Variants in SEMA3C observed in about 807,000 individuals in gnomAD.
SEMA3C encodes the protein semaphorin 3C, also known as semaphorin-3C.
In SEMA3C, 47 loss-of-function variants were observed where a neutral mutation model predicts 89.4. That is an observed-to-expected ratio of 0.53 (90% confidence interval 0.42 to 0.67). The LOEUF (loss-of-function observed/expected upper bound fraction) is 0.67, where lower values mean the gene tolerates loss of function less well. Ranked by LOEUF, SEMA3C falls within the 30% of genes least tolerant of loss-of-function variation. The pLI, the probability that SEMA3C is intolerant of heterozygous loss-of-function variation, is 0.00. For synonymous variants in SEMA3C, 310 were observed against 320.2 expected, an observed-to-expected ratio of 0.97 and a Z score of 0.34; for missense variants, 839 against 929.1, an observed-to-expected ratio of 0.90 and a Z score of 1.26.
In SEMA3C at chr7:80,846,945, C is replaced by T. The variant is rs759613105; in HGVS notation, c.104-18200G>A. 4.6e-5 allele frequency among the ~76,000 whole-genome samples: 7 copies of T among 152,158 alleles called. No homozygotes were observed. The East Asian group carries it at 5.8e-4, about 13-fold the overall frequency. ...AAGCTGAACTCTAAAGTTCTTTCCA[C>T]GGTAACACCTCCCTCCAGTACTCCT... On this transcript the variant is annotated intron_variant, in intron 2 of 17. Coordinates refer to ENST00000265361, the MANE Select transcript of SEMA3C (RefSeq NM_006379.5).
chr7:80,903,592 G>A (rs1052300384), intron 2 of SEMA3C, among the ~76,000 whole-genome samples: 8 of 152,076 alleles, frequency 5.3e-5, no homozygotes, highest in Non-Finnish European at 1.2e-4. Context: ...AACCCAGGAG[G>A]CAAAGGTTGC....
intron 2 of SEMA3C, among the ~76,000 whole-genome samples, chr7:80,895,894 C>G (rs1438307344): frequency 6.6e-6 from 1 of 152,020 alleles, no homozygotes; most frequent in African/African-American, 2.4e-5. Flanking sequence ...AAGTTTTCTT[C>G]TATAATCCTT....
At chr7:80,882,412 C>CTT (rs763742493) in intron 2 of SEMA3C, among the ~76,000 whole-genome samples, 734 of 46,620 alleles carry the variant, frequency 0.016, 96 homozygotes, top group African/African-American at 0.059. Flanking sequence ...GTAAGGGATG[C>CTT]TTTTTTTTTT....
intron 2 of SEMA3C, among the ~76,000 whole-genome samples, chr7:80,909,773 T>A (rs963200501): frequency 6.6e-6 from 1 of 152,192 alleles, no homozygotes; most frequent in Non-Finnish European, 1.5e-5. Flanking sequence ...ACAAGACTAG[T>A]ATGTTCATTA....
intron 11 of SEMA3C, 99 bp downstream of exon 11, chr7:80,797,993 G>A (rs533024930): frequency 9.0e-4 from 1,099 of 1,219,580 alleles, no homozygotes; most frequent in Non-Finnish European, 1.1e-3. Flanking sequence ...GTGAGACTCC[G>A]TCTCAAAAAA....
chr7:80,916,405 T>C (rs1159521944), intron 2 of SEMA3C, among the ~76,000 whole-genome samples: 1 of 152,118 alleles, frequency 6.6e-6, no homozygotes, highest in African/African-American at 2.4e-5. Flanking sequence ...CTCGTGCCCA[T>C]CTCCTCTGTG....
intron 2 of SEMA3C, among the ~76,000 whole-genome samples, chr7:80,894,900 C>G (rs949734148): frequency 6.6e-6 from 1 of 152,118 alleles, no homozygotes; most frequent in African/African-American, 2.4e-5. Flanking sequence ...GTTCTAGTTA[C>G]GCTGCCTAGT....
At chr7:80,789,257 TAC>T (rs1173854750) in intron 12 of SEMA3C, 47 bp downstream of exon 12, 6 of 1,449,428 alleles carry the variant, frequency 4.1e-6, no homozygotes. Context: ...CTATATTTAG[TAC>T]ATTCTTTTAC....
intron 2 of SEMA3C, among the ~76,000 whole-genome samples, chr7:80,893,573 A>G (rs1791665656): frequency 6.6e-6 from 1 of 152,116 alleles, no homozygotes; most frequent in African/African-American, 2.4e-5. Context: ...AAATTTACCA[A>G]TTACTGATGT....
At chr7:80,868,232 T>A (rs1459391551) in intron 2 of SEMA3C, among the ~76,000 whole-genome samples, 4 of 152,122 alleles carry the variant, frequency 2.6e-5, no homozygotes, top group Non-Finnish European at 5.9e-5. Flanking sequence ...CTTTCCTTCA[T>A]ATATCCTTCC....
intron 2 of SEMA3C, among the ~76,000 whole-genome samples, chr7:80,872,908 C>A (rs1583965403): frequency 7.5e-6 from 1 of 134,084 alleles, no homozygotes; most frequent in Non-Finnish European, 1.6e-5. Flanking sequence ...ACTATACATT[C>A]ATGAGAATGA....
chr7:80,770,632 C>A (rs924634810), intron 12 of SEMA3C, among the ~76,000 whole-genome samples: 6 of 152,238 alleles, frequency 3.9e-5, no homozygotes. Context: ...CCTGACACAT[C>A]TTTCGGAAAC....
intron 2 of SEMA3C, among the ~76,000 whole-genome samples, chr7:80,874,222 A>T (rs896700998): frequency 6.6e-6 from 1 of 152,122 alleles, no homozygotes; most frequent in Non-Finnish European, 1.5e-5. Flanking sequence ...TGCTCCTAAC[A>T]ACCCCAACAA....
At chr7:80,823,542 A>C (rs2115789647) in intron 4 of SEMA3C, among the ~76,000 whole-genome samples, 1 of 152,262 alleles carries the variant, frequency 6.6e-6, no homozygotes, top group African/African-American at 2.4e-5. Context: ...GCAATGACAC[A>C]AAAATACTTC....
In SEMA3C at chr7:80,805,841, C is replaced by A. The variant is rs1269305047; in HGVS notation, c.539-83G>T. Reference sequence around the variant, plus strand: ...GGTGAGTTTATTTATTAGGAGATCACCACAGGTATTACAGTGTTATGATAA... The same window carrying A: ...GGTGAGTTTATTTATTAGGAGATCAACACAGGTATTACAGTGTTATGATAA... On this transcript the variant is annotated intron_variant, in intron 6 of 17. Transcript: ENST00000265361. The A allele has an allele frequency of 4.4e-6, 4 of 911,146 alleles. No homozygotes were observed. In the African/African-American group the frequency reaches 5.0e-5, roughly 11 times the overall value. The allele number at this position is 911,146 out of a possible 1,614,324, so 56.4% of individuals were successfully genotyped here.
intron 6 of SEMA3C, among the ~76,000 whole-genome samples, chr7:80,809,236 A>C (rs1317811033): frequency 2.0e-5 from 3 of 152,208 alleles, no homozygotes; most frequent in African/African-American, 7.2e-5. Context: ...AAGTGAAAAA[A>C]TGAAAAAATA....
At position 80,743,958 on chromosome 7, in the gene SEMA3C, TA is replaced by T. The variant is rs1311882563; in HGVS notation, c.*935del. ...AGCCATATTTGTTATAAATTCCTCT[TA>T]AAAAATTAGTAGTTTCTACTTTGAT... On this transcript the variant is annotated 3_prime_UTR_variant, in exon 18 of 18. Coordinates refer to ENST00000265361, the MANE Select transcript of SEMA3C (RefSeq NM_006379.5). 1.3e-5 allele frequency: 2 copies of T among 152,062 alleles called. No individual in the cohort carries two copies. The highest frequency in any genetic ancestry group is 4.8e-5 in the African/African-American group (2 of 41,450). 9.4% of individuals were successfully genotyped at this position (152,062 alleles called of 1,614,324 possible).
chr7:80,780,500 A>C (rs1037524937), intron 12 of SEMA3C, among the ~76,000 whole-genome samples: 2 of 152,204 alleles, frequency 1.3e-5, no homozygotes, highest in Non-Finnish European at 2.9e-5. Context: ...TTATTAAAAG[A>C]AGCATAGATT....
intron 2 of SEMA3C, chr7:80,915,829 A>T (rs1792259753): frequency 6.7e-6 from 1 of 149,314 alleles, no homozygotes; most frequent in Non-Finnish European, 1.5e-5. Context: ...TTATCAAATG[A>T]AAGAAAAAGT....
Sources: allele counts gnomAD v4.1 joint callset (sites outside exome capture counted in the v4.1 genomes callset), GRCh38; gene constraint gnomAD v4.1.1; transcripts MANE v1.5; gene names NCBI Gene and HGNC (gene_info 2026-07-23, HGNC 2026-07-21).